PHF20: variants seen among roughly 807,000 people sequenced by gnomAD.
PHF20 encodes glioma-expressed antigen 2.
A neutral mutation model predicts 113.5 loss-of-function variants in PHF20; 23 were observed. The ratio of observed to expected loss-of-function variants is 0.20; its 90% CI spans 0.15 to 0.29. The LOEUF is 0.29. Among genes scored for constraint, PHF20 ranks in the 10% least tolerant of loss-of-function variants. The pLI, the probability that PHF20 is intolerant of heterozygous loss-of-function variation, is 1.00. For missense variants in PHF20, 943 were observed against 1,219.6 expected (o/e 0.77, Z 3.38); for synonymous variants, 434 against 457.3 (o/e 0.95, Z 0.65).
chr20:35,796,140 G>A (rs1050282344), intron 1 of PHF20, among the ~76,000 whole-genome samples: 11 of 152,126 alleles, frequency 7.2e-5, no homozygotes, highest in East Asian at 3.9e-4. Context: ...GTGAGCCACC[G>A]CACCCAGACT....
At chr20:35,798,316 G>A (rs1482980952) in intron 1 of PHF20, among the ~76,000 whole-genome samples, 1 of 152,186 alleles carries the variant, frequency 6.6e-6, no homozygotes, top group African/African-American at 2.4e-5. Flanking sequence ...GGGAGGCTGA[G>A]TAAGGAGGAT....
At chr20:35,920,732 G>A (rs568953085) in intron 13 of PHF20, among the ~76,000 whole-genome samples, 7 of 152,144 alleles carry the variant, frequency 4.6e-5, no homozygotes, top group Non-Finnish European at 8.8e-5. Context: ...GTGGACATGC[G>A]CATGTACATA....
chr20:35,930,122 A>G (rs2055724219), intron 14 of PHF20, among the ~76,000 whole-genome samples: 1 of 152,118 alleles, frequency 6.6e-6, no homozygotes, highest in Non-Finnish European at 1.5e-5. Flanking sequence ...TCCAGTTCCT[A>G]TGTTGTTCTA....
chr20:35,875,991 G>A (rs998985092), intron 9 of PHF20, among the ~76,000 whole-genome samples: 3 of 152,180 alleles, frequency 2.0e-5, no homozygotes, highest in East Asian at 3.8e-4. Context: ...ACAGAATCAA[G>A]TATAGTAAGG....
At chr20:35,930,430 A>G (rs2074357775) in intron 14 of PHF20, among the ~76,000 whole-genome samples, 1 of 152,156 alleles carries the variant, frequency 6.6e-6, no homozygotes, top group African/African-American at 2.4e-5. Context: ...TGAGGCACTG[A>G]TGATGCTCTC....
intron 2 of PHF20, among the ~76,000 whole-genome samples, chr20:35,831,015 A>G (rs1568623587): frequency 2.6e-5 from 4 of 152,178 alleles, no homozygotes; most frequent in African/African-American, 4.8e-5. Flanking sequence ...TTTTGAAGGA[A>G]TAAGTGCCAA....
At chr20:35,821,345 G>T (rs538376902) in intron 2 of PHF20, among the ~76,000 whole-genome samples, 1 of 151,152 alleles carries the variant, frequency 6.6e-6, no homozygotes, top group African/African-American at 2.4e-5. Context: ...TGAGGCAGGA[G>T]AATTGCTTGA....
chr20:35,827,468 T>A (rs2042280578), intron 2 of PHF20, among the ~76,000 whole-genome samples: 1 of 152,224 alleles, frequency 6.6e-6, no homozygotes, highest in Non-Finnish European at 1.5e-5. Flanking sequence ...CAGGAATGTT[T>A]ACATGTGGAG....
chr20:35,797,813 G>A (rs562662217), intron 1 of PHF20, among the ~76,000 whole-genome samples: 70 of 151,488 alleles, frequency 4.6e-4, no homozygotes, highest in Admixed American at 3.4e-3. Context: ...CACCATGCCC[G>A]GCTAATTTTT....
intron 6 of PHF20, among the ~76,000 whole-genome samples, chr20:35,867,256 A>G (rs2054334829): frequency 6.6e-6 from 1 of 151,870 alleles, no homozygotes; most frequent in African/African-American, 2.4e-5. Flanking sequence ...TTGTTTATAT[A>G]TATTTTAATT....
At chr20:35,843,546 G>C (rs1434427632) in intron 3 of PHF20, among the ~76,000 whole-genome samples, 1 of 146,362 alleles carries the variant, frequency 6.8e-6, no homozygotes, top group East Asian at 2.1e-4. Context: ...AAAAAAAAGT[G>C]ATCATTCCAT....
intron 4 of PHF20, chr20:35,856,514 G>A (rs796448206): frequency 5.3e-5 from 8 of 152,316 alleles, no homozygotes; most frequent in African/African-American, 1.9e-4. Context: ...GAGAAGCACT[G>A]GTTTACTCTG....
At position 35,803,252 on chromosome 20, in the gene PHF20, G is replaced by A. The variant is rs1279535061; in HGVS notation, c.83+1647G>A. 8.2e-5 allele frequency among the ~76,000 whole-genome samples: 11 copies of A among 133,888 alleles called. No homozygotes were observed. In the South Asian group the frequency reaches 1.7e-3, roughly 21 times the overall value. 87.8% of individuals were successfully genotyped at this position (133,888 alleles called of 152,430 possible). On this transcript the variant is annotated intron_variant, in intron 2 of 17. Transcript: ENST00000374012. Reference sequence around the variant, plus strand: ...GGGTGACTGAGCGAGACTCCGTCCCGGAAAAAAAAAAAAAAGAAAAAAGAA... The same window carrying A: ...GGGTGACTGAGCGAGACTCCGTCCCAGAAAAAAAAAAAAAAGAAAAAAGAA...
chr20:35,870,303 C>T (rs1408098078), intron 7 of PHF20, among the ~76,000 whole-genome samples: 1 of 53,210 alleles, frequency 1.9e-5, no homozygotes, highest in Non-Finnish European at 4.0e-5. Context: ...GACTCCGTCT[C>T]AAAAAAAAAA....
At chr20:35,834,368 C>T (rs1332657845) in intron 2 of PHF20, among the ~76,000 whole-genome samples, 1 of 151,182 alleles carries the variant, frequency 6.6e-6, no homozygotes, top group Non-Finnish European at 1.5e-5. Flanking sequence ...TCTCCTGCCT[C>T]AGCCTCTCGA....
At chr20:35,918,494 G>C (rs535056983) in intron 13 of PHF20, among the ~76,000 whole-genome samples, 1 of 152,166 alleles carries the variant, frequency 6.6e-6, no homozygotes, top group African/African-American at 2.4e-5. Context: ...CTTCTCTGGA[G>C]TCCTTTTGGT....
At position 35,800,403 on chromosome 20, in the gene PHF20, C is replaced by T. The variant is rs149763227; in HGVS notation, c.-32-1088C>T. Among the ~76,000 whole-genome samples the T allele has an allele frequency of 4.5e-3, 413 of 91,212 alleles. 6 individuals are homozygous for T. In the East Asian group the frequency reaches 0.061, roughly 13 times the overall value. 59.8% of individuals were successfully genotyped at this position (91,212 alleles called of 152,430 possible). ...TCATGCCATTGCACTCCAGCCTGGG[C>T]GACAAGAGCGAGACTCCTCAAAAAA... On this transcript the variant is annotated intron_variant, in intron 1 of 17. Transcript: ENST00000374012.
At position 35,872,466 on chromosome 20, in the gene PHF20, T is replaced by C. The variant is rs552751044; in HGVS notation, c.1282+637T>C. 5.5e-3 allele frequency among the ~76,000 whole-genome samples: 833 copies of C among 152,284 alleles called. 6 individuals carry two copies. The highest frequency in any genetic ancestry group is 0.019 in the African/African-American group (795 of 41,548). ...TGAACCCAGGAGGCGGAGGTTGCGG[T>C]GAGCCAAGATCATGCCATTGCACTC... On this transcript the variant is annotated intron_variant, in intron 9 of 17. Coordinates refer to ENST00000374012, the MANE Select transcript of PHF20 (RefSeq NM_016436.5).
intron 9 of PHF20, among the ~76,000 whole-genome samples, chr20:35,880,220 C>T (rs1168315554): frequency 6.6e-6 from 1 of 152,068 alleles, no homozygotes; most frequent in African/African-American, 2.4e-5. Context: ...TGGAAGAAGG[C>T]GGTACTTGCA....
Sources: gnomAD v4.1 joint callset for allele counts (sites outside exome capture counted in the v4.1 genomes callset) on GRCh38, gnomAD v4.1.1 for gene constraint, MANE v1.5 for transcripts, NCBI Gene and HGNC (gene_info 2026-07-23, HGNC 2026-07-21) for gene names.